Variants in C3orf70 observed in about 807,000 individuals in gnomAD.
The protein encoded by C3orf70 is chromosome 3 open reading frame 70.
In C3orf70, 15 loss-of-function variants were observed where a neutral mutation model predicts 20.7. The ratio of observed to expected loss-of-function variants is 0.72; its 90% CI spans 0.48 to 1.11. The LOEUF (loss-of-function observed/expected upper bound fraction) is 1.11. Ranked by LOEUF, C3orf70 falls within the 50% of genes most tolerant of loss-of-function variation. C3orf70 has a pLI of 0.00. For missense variants in C3orf70, 332 were observed against 317.6 expected, an observed-to-expected ratio of 1.05 and a Z score of -0.34; for synonymous variants, 161 against 125.7, an observed-to-expected ratio of 1.28 and a Z score of -1.88.
rs1255998703 is a variant in C3orf70, at chr3:185,080,930, T to A, written c.*2077A>T. The A allele has an allele frequency of 6.6e-6, 1 of 152,216 alleles. No individual in the cohort carries two copies. The highest frequency in any genetic ancestry group is 2.4e-5 in the African/African-American group (1 of 41,456). 9.4% of individuals were successfully genotyped at this position (152,216 alleles called of 1,614,324 possible). On this transcript the variant is annotated 3_prime_UTR_variant, in exon 2 of 2. Transcript: ENST00000335012. ...CATTCTCATTTAGCATAGAAAGTTT[T>A]AACTCATACTGTTTGCAAAGGAAAA... is the stretch of plus-strand genomic sequence containing the variant.
Position 185,152,762 on chromosome 3 carries a change from G to A in C3orf70, c.62C>T (p.Ala21Val). The change falls in exon 1 of 2, where the codon GCT (alanine) becomes GTT (valine). Residue 21 changes from alanine to valine, a missense_variant. By Grantham distance (64) the Ala-to-Val change is moderately conservative. Transcript: ENST00000335012. ...RGWKSEKLDE[A>V]QALARSCAAR... is the part of the protein sequence containing the mutation. ...GGCGCAACTCCGCGCCAGGGCCTGAGCCTCATCTAGTTTCTCGCTCTTCCA... is the reference window on the plus strand; with the variant it reads ...GGCGCAACTCCGCGCCAGGGCCTGAACCTCATCTAGTTTCTCGCTCTTCCA... 1 of 1,587,850 alleles carries A rather than the reference G, an allele frequency of 6.3e-7. No homozygotes were observed. The highest frequency in any genetic ancestry group is 8.6e-7 in the Non-Finnish European group (1 of 1,167,942).
At chr3:185,100,000 C>T (rs745473350) in intron 1 of C3orf70, among the ~76,000 whole-genome samples, 4 of 152,126 alleles carry the variant, frequency 2.6e-5, no homozygotes, top group South Asian at 4.2e-4. Flanking sequence ...AGCAAGAAGA[C>T]GTAACTATCC....
chr3:185,079,280 C>CAAAAAAAAAAAAA lies in C3orf70; in HGVS notation c.*3714_*3726dup, dbSNP rs60241057. ...TGGGTGAAGGAGCGAGACTCTGTCT[C>CAAAAAAAAAAAAA]AAAAAAAAAAAAAAAAAAAAAAAAG... is the stretch of plus-strand genomic sequence containing the variant. On this transcript the variant is annotated 3_prime_UTR_variant, in exon 2 of 2. Transcript: ENST00000335012. The CAAAAAAAAAAAAA allele has an allele frequency of 1.8e-4, 9 of 50,626 alleles. No homozygotes were observed. The highest frequency in any genetic ancestry group is 5.8e-4 in the South Asian group (1 of 1,712). 3.1% of individuals were successfully genotyped at this position (50,626 alleles called of 1,614,324 possible).
intron 1 of C3orf70, among the ~76,000 whole-genome samples, chr3:185,112,520 C>A (rs1240965967): frequency 1.3e-5 from 2 of 152,136 alleles, no homozygotes; most frequent in African/African-American, 4.8e-5. Context: ...TTTATTTAAG[C>A]CAAGTTTTTC....
chr3:185,100,756 G>GT (rs1043690045), intron 1 of C3orf70, among the ~76,000 whole-genome samples: 2 of 150,000 alleles, frequency 1.3e-5, no homozygotes, highest in African/African-American at 5.0e-5. Flanking sequence ...CCTGGAGTTG[G>GT]TTTTTTGAAA....
At chr3:185,090,486 G>C (rs149740078) in intron 1 of C3orf70, among the ~76,000 whole-genome samples, 1 of 151,954 alleles carries the variant, frequency 6.6e-6, no homozygotes, top group South Asian at 2.1e-4. Flanking sequence ...CTGCTCTCAG[G>C]GAATGCAAAG....
intron 1 of C3orf70, among the ~76,000 whole-genome samples, chr3:185,139,790 A>G (rs1269724890): frequency 6.6e-6 from 1 of 152,188 alleles, no homozygotes; most frequent in African/African-American, 2.4e-5. Flanking sequence ...CAAAGAAGTG[A>G]ATTGTGATCT....
intron 1 of C3orf70, among the ~76,000 whole-genome samples, chr3:185,122,662 A>G (rs1716327871): frequency 6.6e-6 from 1 of 152,230 alleles, no homozygotes; most frequent in South Asian, 2.1e-4. Flanking sequence ...AACATGATAA[A>G]GCATTATTTT....
At chr3:185,130,324 G>C (rs953633543) in intron 1 of C3orf70, among the ~76,000 whole-genome samples, 2 of 152,076 alleles carry the variant, frequency 1.3e-5, no homozygotes, top group Admixed American at 6.5e-5. Context: ...TGTGGTGGTG[G>C]GCGCCTGTAG....
At chr3:185,128,449 A>G (rs1240784910) in intron 1 of C3orf70, among the ~76,000 whole-genome samples, 1 of 150,846 alleles carries the variant, frequency 6.6e-6, no homozygotes, top group Non-Finnish European at 1.5e-5. Flanking sequence ...AATCGCCTGA[A>G]CCCCAGAAGC....
intron 1 of C3orf70, among the ~76,000 whole-genome samples, chr3:185,146,736 T>G (rs1244506972): frequency 6.6e-6 from 1 of 152,256 alleles, no homozygotes; most frequent in Non-Finnish European, 1.5e-5. Flanking sequence ...AGAAGTCCTT[T>G]AGGAAAACCA....
chr3:185,132,174 T>A (rs1280829085), intron 1 of C3orf70, among the ~76,000 whole-genome samples: 1 of 152,170 alleles, frequency 6.6e-6, no homozygotes, highest in Non-Finnish European at 1.5e-5. Context: ...CGGGATAAAC[T>A]GGAGCTCACA....
chr3:185,110,139 G>T (rs1577325199), intron 1 of C3orf70, among the ~76,000 whole-genome samples: 1 of 152,172 alleles, frequency 6.6e-6, no homozygotes, highest in Admixed American at 6.5e-5. Flanking sequence ...CCCGCTGTAG[G>T]AGCTAAACAC....
At chr3:185,093,076 G>A (rs58826571) in intron 1 of C3orf70, among the ~76,000 whole-genome samples, 3,645 of 151,948 alleles carry the variant, frequency 0.024, 121 homozygotes, top group African/African-American at 0.083. Context: ...AGTGTTTCAG[G>A]TTTCCCAAAG....
intron 1 of C3orf70, among the ~76,000 whole-genome samples, chr3:185,100,763 GA>G (rs58981155): frequency 0.048 from 6,922 of 144,248 alleles, 486 homozygotes; most frequent in African/African-American, 0.16. Flanking sequence ...TTGGTTTTTT[GA>G]AAAAAAAAAA....
At chr3:185,114,374 A>G (rs1716135451) in intron 1 of C3orf70, among the ~76,000 whole-genome samples, 1 of 152,236 alleles carries the variant, frequency 6.6e-6, no homozygotes, top group Non-Finnish European at 1.5e-5. Context: ...ATATCCAAGA[A>G]TTAACAGCAT....
At position 185,152,881 on chromosome 3, in the gene C3orf70, G is replaced by A. The variant is rs1717026189; in HGVS notation, c.-58C>T. On this transcript the variant is annotated 5_prime_UTR_variant, in exon 1 of 2. Coordinates refer to ENST00000335012, the MANE Select transcript of C3orf70 (RefSeq NM_001025266.3). The stretch of plus-strand genomic sequence containing the variant: ...AGCCCGGGAGAAGCGACGTCTGGGT[G>A]GGCAGGAAGCCGAGCCGGCTGCGGA... 11 of 1,408,626 alleles carry A rather than the reference G, an allele frequency of 7.8e-6. No homozygotes were observed. The highest frequency in any genetic ancestry group is 2.6e-5 in the Admixed American group (1 of 38,924). 87.3% of individuals were successfully genotyped at this position (1,408,626 alleles called of 1,614,324 possible).
intron 1 of C3orf70, among the ~76,000 whole-genome samples, chr3:185,092,521 C>T (rs1443757418): frequency 6.6e-6 from 1 of 152,172 alleles, no homozygotes; most frequent in Non-Finnish European, 1.5e-5. Context: ...ATATGCCAGG[C>T]ACTGAGCTAG....
chr3:185,129,383 A>G (rs1716482226), intron 1 of C3orf70, among the ~76,000 whole-genome samples: 1 of 152,238 alleles, frequency 6.6e-6, no homozygotes, highest in Non-Finnish European at 1.5e-5. Flanking sequence ...AGCTACATGC[A>G]TGTTGCTGAA....
Sources: allele counts gnomAD v4.1 joint callset (sites outside exome capture counted in the v4.1 genomes callset), GRCh38; gene constraint gnomAD v4.1.1; transcripts MANE v1.5; gene names NCBI Gene and HGNC (gene_info 2026-07-23, HGNC 2026-07-21).